The following GALNT18 variants were observed in gnomAD, a reference collection of about 807,000 sequenced individuals.
The protein encoded by GALNT18 is GalNAc-transferase 18.
In GALNT18, 44 loss-of-function variants were observed where a neutral mutation model predicts 69.5. The ratio of observed to expected loss-of-function variants is 0.63; its 90% CI spans 0.50 to 0.81. The LOEUF is 0.81. Ranked by LOEUF, GALNT18 falls within the 40% of genes least tolerant of loss-of-function variation. The pLI is 0.00. For missense variants in GALNT18, 715 were observed against 810.0 expected, an observed-to-expected ratio of 0.88 and a Z score of 1.42; for synonymous variants, 364 against 318.2, an observed-to-expected ratio of 1.14 and a Z score of -1.53.
In GALNT18 at chr11:11,497,592, T is replaced by C. The variant is rs1425947446; in HGVS notation, c.236-48656A>G. Among the ~76,000 whole-genome samples, 2 of 152,170 alleles carry C rather than the reference T, an allele frequency of 1.3e-5. No individual in the cohort carries two copies. Among genetic ancestry groups the C allele is most frequent in the African/African-American group, 4.8e-5 (2 of 41,436 alleles). On this transcript the variant is annotated intron_variant, in intron 1 of 10. Transcript: ENST00000227756. This position sits in a 1 kb window ranked among gnomAD's most constrained non-coding sequence, Gnocchi z 4.2. ...AGATTATTATCTATAAAGAATTTTG[T>C]GGAGGCATGGCACCAAATAAGCACC...
chr11:11,292,387 A>G (rs1789904540), intron 10 of GALNT18, among the ~76,000 whole-genome samples: 1 of 152,148 alleles, frequency 6.6e-6, no homozygotes, highest in South Asian at 2.1e-4. Flanking sequence ...GGGCCAGTGA[A>G]GAGCAGGAAG....
chr11:11,366,027 C>T (rs1850760587), intron 6 of GALNT18, among the ~76,000 whole-genome samples: 2 of 152,186 alleles, frequency 1.3e-5, no homozygotes, highest in African/African-American at 4.8e-5. Context: ...AGCAACAGTG[C>T]CCAGTACCCA....
chr11:11,407,619 G>A lies in GALNT18; in HGVS notation c.595+25002C>T, dbSNP rs139741919. ...ATGCTGCCAGATGATTTAGGGGACA[G>A]GAGAGGAGATATTCCCAGTAACCGT... On this transcript the variant is annotated intron_variant, in intron 3 of 10. Coordinates refer to ENST00000227756, the MANE Select transcript of GALNT18 (RefSeq NM_198516.3). 7.3e-3 allele frequency among the ~76,000 whole-genome samples: 1,107 copies of A among 152,332 alleles called. 16 individuals are homozygous for A. The highest frequency in any genetic ancestry group is 0.01 in the Middle Eastern group (3 of 294).
At position 11,382,796 on chromosome 11, in the gene GALNT18, A is replaced by G. The variant is rs1056610581; in HGVS notation, c.596-3532T>C. Among the ~76,000 whole-genome samples the G allele has an allele frequency of 2.0e-5, 3 of 152,226 alleles. No individual in the cohort carries two copies. Among genetic ancestry groups the G allele is most frequent in the African/African-American group, 7.2e-5 (3 of 41,460 alleles). ...TTGAAATTTCTATAAATAACATTTA[A>G]TAAAGTGTCTTGGTGGGTTAGGACA... On this transcript the variant is annotated intron_variant, in intron 3 of 10. Transcript: ENST00000227756. The surrounding 1 kb of genome is among the most constrained non-coding windows in gnomAD (Gnocchi z 4.3).
chr11:11,330,548 G>T (rs907410770), intron 8 of GALNT18, among the ~76,000 whole-genome samples: 1 of 152,198 alleles, frequency 6.6e-6, no homozygotes, highest in African/African-American at 2.4e-5. Flanking sequence ...TGATGAATGT[G>T]TAGGGGGTCA....
chr11:11,359,108 T>A (rs992760069), intron 6 of GALNT18, among the ~76,000 whole-genome samples: 1 of 140,126 alleles, frequency 7.1e-6, no homozygotes, highest in Admixed American at 7.1e-5. Context: ...TCCTCACATC[T>A]CTCTAACTGT....
intron 1 of GALNT18, among the ~76,000 whole-genome samples, chr11:11,456,679 G>A (rs1246239173): frequency 1.3e-5 from 2 of 152,156 alleles, no homozygotes; most frequent in Admixed American, 6.5e-5. Flanking sequence ...CCAGTTGCTT[G>A]AGTCCTTCCT....
rs1333202779 is a variant in GALNT18 at position 11,564,943 on chromosome 11, C to A, written c.235+56416G>T. ...CAGAATGCTTGCTCTATTGGACAGC[C>A]CTGATCTAGACCCTAACCCCAAACT... On this transcript the variant is annotated intron_variant, in intron 1 of 10. Coordinates refer to ENST00000227756, the MANE Select transcript of GALNT18 (RefSeq NM_198516.3). The surrounding 1 kb of genome is among the most constrained non-coding windows in gnomAD (Gnocchi z 4.3). 6.6e-6 allele frequency among the ~76,000 whole-genome samples: 1 copy of A among 152,202 alleles called. No homozygotes were observed. Among genetic ancestry groups the A allele is most frequent in the Non-Finnish European group, 1.5e-5 (1 of 68,038 alleles).
intron 6 of GALNT18, among the ~76,000 whole-genome samples, chr11:11,354,778 G>T (rs1340857006): frequency 1.3e-5 from 2 of 152,122 alleles, no homozygotes; most frequent in Non-Finnish European, 2.9e-5. Flanking sequence ...TCACTCTCAT[G>T]TGTCTCAGGC....
At chr11:11,306,285 G>C (rs1195152888) in intron 9 of GALNT18, among the ~76,000 whole-genome samples, 1 of 152,162 alleles carries the variant, frequency 6.6e-6, no homozygotes, top group Non-Finnish European at 1.5e-5. Flanking sequence ...ATAACATATG[G>C]TCAATGTGGG....
chr11:11,517,576 C>T (rs536256399), intron 1 of GALNT18, among the ~76,000 whole-genome samples: 13 of 152,262 alleles, frequency 8.5e-5, no homozygotes, highest in Non-Finnish European at 1.8e-4. Flanking sequence ...CACATTTAGC[C>T]CTGGCATCCC....
chr11:11,327,274 A>T (rs1430462497), intron 8 of GALNT18, 93 bp from the exon 9 acceptor site: 2 of 953,136 alleles, frequency 2.1e-6, no homozygotes, highest in Non-Finnish European at 3.3e-6. Context: ...CTGCTGAGAC[A>T]GATTTCATGT....
chr11:11,589,665 C>T (rs777113277), intron 1 of GALNT18, among the ~76,000 whole-genome samples: 6 of 152,212 alleles, frequency 3.9e-5, no homozygotes, highest in South Asian at 2.1e-4. Context: ...GACAGCCCAG[C>T]CCTCCTGGGG....
intron 9 of GALNT18, among the ~76,000 whole-genome samples, chr11:11,321,297 T>G (rs928090413): frequency 6.6e-6 from 1 of 152,206 alleles, no homozygotes. Context: ...GGTGGAGGTA[T>G]GACCAAGAGG....
chr11:11,620,140 G>C lies in GALNT18; in HGVS notation c.235+1219C>G, dbSNP rs971448628. ...ACAAAAGGGAGTGCTCCTGGCGGGG[G>C]GGTGGGGGGTAAGCCTTCAGTTCAA... On this transcript the variant is annotated intron_variant, in intron 1 of 10. Coordinates refer to ENST00000227756, the MANE Select transcript of GALNT18 (RefSeq NM_198516.3). This position sits in a 1 kb window ranked among gnomAD's most constrained non-coding sequence, Gnocchi z 6.9. Among the ~76,000 whole-genome samples, 1 of 151,980 alleles carries C rather than the reference G, an allele frequency of 6.6e-6. No homozygotes were observed. Among genetic ancestry groups the C allele is most frequent in the Non-Finnish European group, 1.5e-5 (1 of 67,974 alleles).
intron 10 of GALNT18, among the ~76,000 whole-genome samples, chr11:11,271,608 C>A (rs569848808): frequency 6.6e-6 from 1 of 152,326 alleles, no homozygotes; most frequent in East Asian, 1.9e-4. Flanking sequence ...ACCCCAGGGG[C>A]TGGGTCCTTT....
intron 2 of GALNT18, among the ~76,000 whole-genome samples, chr11:11,442,737 G>A (rs1287879784): frequency 6.6e-6 from 1 of 151,596 alleles, no homozygotes; most frequent in Non-Finnish European, 1.5e-5. Context: ...CCCACCTAGG[G>A]CTGCAGAACA....
rs1195247210 is a variant in GALNT18 at position 11,604,243 on chromosome 11, G to T, written c.235+17116C>A. On this transcript the variant is annotated intron_variant, in intron 1 of 10. Transcript: ENST00000227756. This position sits in a 1 kb window ranked among gnomAD's most constrained non-coding sequence, Gnocchi z 5.6. ...CACTTTTCAAAGATTGTGTTGGTTT[G>T]GTTAGTAAGTTAAAAATCCATTAAG... Among the ~76,000 whole-genome samples, 2 of 152,148 alleles carry T rather than the reference G, an allele frequency of 1.3e-5. No individual in the cohort carries two copies. The highest frequency in any genetic ancestry group is 6.5e-5 in the Admixed American group (1 of 15,272).
chr11:11,467,882 T>C (rs1264486169), intron 1 of GALNT18, among the ~76,000 whole-genome samples: 1 of 152,180 alleles, frequency 6.6e-6, no homozygotes, highest in East Asian at 1.9e-4. Flanking sequence ...AACTTCAGTG[T>C]GTATACAAGA....
Sources: allele counts gnomAD v4.1 joint callset (sites outside exome capture counted in the v4.1 genomes callset), GRCh38; gene constraint gnomAD v4.1.1; non-coding constraint Gnocchi (gnomAD v3.1); transcripts MANE v1.5; gene names NCBI Gene and HGNC (gene_info 2026-07-23, HGNC 2026-07-21).